Variants in CSMD1 observed in about 807,000 individuals in gnomAD.
CSMD1 encodes the protein CUB and sushi domain-containing protein 1.
CSMD1 carries 213 observed loss-of-function variants against 417.5 expected under a neutral mutation model. The ratio of observed to expected loss-of-function variants is 0.51; its 90% CI spans 0.46 to 0.57. The LOEUF is 0.57. CSMD1 is among the 20% of genes least tolerant of loss of function. CSMD1 has a pLI of 0.00. For synonymous variants in CSMD1, 2,862 were observed against 1,736.8 expected (o/e 1.65, Z -16.11); for missense variants, 6,923 against 4,529.7 (o/e 1.53, Z -15.17).
intron 3 of CSMD1, among the ~76,000 whole-genome samples, chr8:4,183,491 T>C (rs954354336): frequency 2.6e-5 from 4 of 152,218 alleles, no homozygotes; most frequent in East Asian, 1.9e-4. Context: ...GAAAACACTT[T>C]GCTTTTTCTC....
chr8:3,348,069 T>C lies in CSMD1; in HGVS notation c.3397A>G (p.Lys1133Glu), dbSNP rs1195327300. 2 of 1,612,114 alleles carry C rather than the reference T, an allele frequency of 1.2e-6. No homozygotes were observed. Among genetic ancestry groups the C allele is most frequent in the Admixed American group, 1.7e-5 (1 of 59,888 alleles). Residue 1133 changes from lysine to glutamate, a missense_variant, in exon 22 of 70, where the codon AAA (lysine) becomes GAA (glutamate). Physicochemically the swap from Lys to Glu is moderately conservative, Grantham distance 56. Coordinates refer to ENST00000635120, the MANE Select transcript of CSMD1 (RefSeq NM_033225.6). ...CCCTTGCCGGCTTCTGTTTCTATTTTATAGATACACTCATGGTTATTATCA... is the reference window on the plus strand; with the variant it reads ...CCCTTGCCGGCTTCTGTTTCTATTTCATAGATACACTCATGGTTATTATCA... Reference protein sequence around the residue: ...NYDNNHECIYKIETEAGKGIH... With the variant: ...NYDNNHECIYEIETEAGKGIH...
At chr8:3,090,430 ATATTT>A (rs1416358431) in intron 48 of CSMD1, among the ~76,000 whole-genome samples, 3 of 151,638 alleles carry the variant, frequency 2.0e-5, no homozygotes, top group Non-Finnish European at 1.5e-5. Flanking sequence ...AGGTCTGAGT[ATATTT>A]TATTAAACCT....
At chr8:4,798,576 C>A (rs1192622389) in intron 1 of CSMD1, among the ~76,000 whole-genome samples, 1 of 152,094 alleles carries the variant, frequency 6.6e-6, no homozygotes, top group Non-Finnish European at 1.5e-5. Flanking sequence ...AATAAACTCT[C>A]AAAAAGTTAC....
chr8:3,396,426 A>G, intron 16 of CSMD1, 45 bp from the exon 17 acceptor site: 1 of 1,381,738 alleles, frequency 7.2e-7, no homozygotes, highest in Non-Finnish European at 9.8e-7. Context: ...CAGAACTGCC[A>G]GCTTACAGAC....
At chr8:3,925,061 G>T (rs977678636) in intron 5 of CSMD1, among the ~76,000 whole-genome samples, 1 of 152,172 alleles carries the variant, frequency 6.6e-6, no homozygotes, top group South Asian at 2.1e-4. Context: ...CTCTGCATCT[G>T]TTCTATGGCT....
intron 50 of CSMD1, chr8:3,043,648 T>C (rs1175772611): frequency 6.6e-6 from 1 of 152,172 alleles, no homozygotes; most frequent in African/African-American, 2.4e-5. Context: ...ATATTGTGAT[T>C]AGAACTTAGG....
At chr8:4,708,335 A>G (rs1808080821) in intron 1 of CSMD1, among the ~76,000 whole-genome samples, 1 of 152,204 alleles carries the variant, frequency 6.6e-6, no homozygotes, top group African/African-American at 2.4e-5. Flanking sequence ...GGTGGAATGT[A>G]AGCTCCGTGA....
intron 26 of CSMD1, among the ~76,000 whole-genome samples, chr8:3,273,684 T>G (rs1415941416): frequency 6.6e-6 from 1 of 152,226 alleles, no homozygotes; most frequent in African/African-American, 2.4e-5. Flanking sequence ...TCCAGGAATT[T>G]ATCCATTTCT....
intron 3 of CSMD1, among the ~76,000 whole-genome samples, chr8:4,273,845 A>G (rs1410750100): frequency 6.6e-6 from 1 of 152,164 alleles, no homozygotes; most frequent in East Asian, 1.9e-4. Flanking sequence ...GTGAAGGTGA[A>G]ATGATATAAC....
intron 5 of CSMD1, among the ~76,000 whole-genome samples, chr8:3,804,466 G>A (rs538736768): frequency 2.8e-4 from 42 of 152,086 alleles, no homozygotes; most frequent in Non-Finnish European, 5.4e-4. Flanking sequence ...TTACTATAAT[G>A]GACTATGGAA....
At chr8:4,268,483 T>G (rs548779150) in intron 3 of CSMD1, among the ~76,000 whole-genome samples, 1 of 152,182 alleles carries the variant, frequency 6.6e-6, no homozygotes, top group Non-Finnish European at 1.5e-5. Context: ...CTTACGTTTC[T>G]AAGTATTTTG....
intron 5 of CSMD1, among the ~76,000 whole-genome samples, chr8:3,866,311 A>T (rs1031576965): frequency 4.6e-5 from 7 of 152,230 alleles, no homozygotes; most frequent in African/African-American, 1.4e-4. Context: ...CTGCTGTAAA[A>T]GGCTGGCTGA....
At chr8:3,551,409 G>A (rs952790501) in intron 10 of CSMD1, among the ~76,000 whole-genome samples, 3 of 151,956 alleles carry the variant, frequency 2.0e-5, no homozygotes, top group Non-Finnish European at 4.4e-5. Flanking sequence ...GCTTTAGGTT[G>A]CAGTAAACTG....
chr8:3,530,679 C>G (rs929575952), intron 10 of CSMD1, among the ~76,000 whole-genome samples: 1 of 151,754 alleles, frequency 6.6e-6, no homozygotes, highest in Non-Finnish European at 1.5e-5. Flanking sequence ...TACAGGCACC[C>G]GCCACCACAG....
At chr8:4,529,243 T>G (rs1243765318) in intron 2 of CSMD1, among the ~76,000 whole-genome samples, 1 of 152,152 alleles carries the variant, frequency 6.6e-6, no homozygotes, top group Non-Finnish European at 1.5e-5. Context: ...CCCTTTCTTA[T>G]TCTGTTCGGA....
At chr8:3,908,602 A>G (rs1053273741) in intron 5 of CSMD1, among the ~76,000 whole-genome samples, 4 of 152,220 alleles carry the variant, frequency 2.6e-5, no homozygotes, top group Middle Eastern at 3.4e-3. Context: ...CCTGGAACAT[A>G]CTTTTAAGAA....
At chr8:4,629,762 A>C (rs913122810) in intron 2 of CSMD1, among the ~76,000 whole-genome samples, 1 of 152,198 alleles carries the variant, frequency 6.6e-6, no homozygotes, top group Admixed American at 6.5e-5. Flanking sequence ...TATTGTATAA[A>C]ACAGTGTCAA....
intron 1 of CSMD1, among the ~76,000 whole-genome samples, chr8:4,919,632 T>A (rs1806302927): frequency 6.6e-6 from 1 of 152,132 alleles, no homozygotes; most frequent in African/African-American, 2.4e-5. Context: ...ATATGAAAAG[T>A]TTTAATATCG....
intron 1 of CSMD1, among the ~76,000 whole-genome samples, chr8:4,695,737 C>T (rs954317197): frequency 6.6e-6 from 1 of 152,114 alleles, no homozygotes; most frequent in Non-Finnish European, 1.5e-5. Flanking sequence ...ATTTTATGTT[C>T]TATGGGTTTA....
Sources: gnomAD v4.1 joint callset for allele counts (sites outside exome capture counted in the v4.1 genomes callset) on GRCh38, gnomAD v4.1.1 for gene constraint, MANE v1.5 for transcripts, NCBI Gene and HGNC (gene_info 2026-07-23, HGNC 2026-07-21) for gene names.